MARCHF10: variants seen among roughly 807,000 people sequenced by gnomAD.
The protein encoded by MARCHF10 is membrane associated ring-CH-type finger 10.
A neutral mutation model predicts 76.2 loss-of-function variants in MARCHF10; 64 were observed. The observed-to-expected ratio is 0.84, with a 90% CI of 0.69 to 1.03. The LOEUF (loss-of-function observed/expected upper bound fraction) is 1.03. MARCHF10 is among the 50% of genes least tolerant of loss of function. MARCHF10 has a pLI of 0.00. For missense variants in MARCHF10, 875 were observed against 958.0 expected, an observed-to-expected ratio of 0.91 and a Z score of 1.14; for synonymous variants, 340 against 357.5, an observed-to-expected ratio of 0.95 and a Z score of 0.55.
chr17:62,780,027 G>A (rs1192834297), intron 3 of MARCHF10, among the ~76,000 whole-genome samples: 1 of 152,104 alleles, frequency 6.6e-6, no homozygotes, highest in Non-Finnish European at 1.5e-5. Context: ...AACCTGGGAG[G>A]TGGAGGTGGC....
At chr17:62,713,862 C>A (rs2090056810) in intron 8 of MARCHF10, among the ~76,000 whole-genome samples, 1 of 152,196 alleles carries the variant, frequency 6.6e-6, no homozygotes, top group Non-Finnish European at 1.5e-5. Context: ...AAGGAGAAGG[C>A]ATGTGAAACA....
At chr17:62,740,129 C>T (rs1449883021) in intron 5 of MARCHF10, among the ~76,000 whole-genome samples, 1 of 151,780 alleles carries the variant, frequency 6.6e-6, no homozygotes, top group Non-Finnish European at 1.5e-5. Context: ...GTGCCATTCT[C>T]GATTTATGCT....
chr17:62,766,192 T>C (rs535398900), intron 3 of MARCHF10, among the ~76,000 whole-genome samples: 5 of 151,034 alleles, frequency 3.3e-5, no homozygotes, highest in African/African-American at 1.2e-4. Context: ...CAAGACCCTG[T>C]CTCAAAATAA....
At chr17:62,776,336 T>A (rs192621650) in intron 3 of MARCHF10, among the ~76,000 whole-genome samples, 1 of 152,184 alleles carries the variant, frequency 6.6e-6, no homozygotes, top group South Asian at 2.1e-4. Flanking sequence ...GGGATAACAA[T>A]TGGTGCTTCT....
At chr17:62,770,591 G>C (rs2092425687) in intron 3 of MARCHF10, among the ~76,000 whole-genome samples, 1 of 144,618 alleles carries the variant, frequency 6.9e-6, no homozygotes, top group East Asian at 2.1e-4. Context: ...TCTCAGGCTG[G>C]AGTGCAGTGC....
rs371331213 is a variant in MARCHF10, at chr17:62,736,459, T to C, written c.1409A>G (p.Tyr470Cys). 8 of 1,614,194 alleles carry C rather than the reference T, an allele frequency of 5.0e-6. No homozygotes were observed. The highest frequency in any genetic ancestry group is 6.8e-6 in the Non-Finnish European group (8 of 1,180,020). The change falls in exon 6 of 11, where the codon TAT (tyrosine) becomes TGT (cysteine). Residue 470 changes from tyrosine (Y) to cysteine (C), a missense_variant. Transcript: ENST00000311269. ...ATGCATGAATGATGCAGGAGGGTTA[T>C]AGGATGAATTCACTGATGATCTTGG... Reference protein sequence around the residue: ...ISPRSSVNSSYNPPASFMHSA... With the variant: ...ISPRSSVNSSCNPPASFMHSA...
intron 3 of MARCHF10, among the ~76,000 whole-genome samples, chr17:62,779,026 T>A (rs2092605868): frequency 6.6e-6 from 1 of 152,314 alleles, no homozygotes; most frequent in Non-Finnish European, 1.5e-5. Flanking sequence ...AGATCTGCAC[T>A]TGTCAAACCG....
intron 6 of MARCHF10, among the ~76,000 whole-genome samples, chr17:62,729,770 C>T (rs1205850447): frequency 6.6e-6 from 1 of 151,892 alleles, no homozygotes; most frequent in Non-Finnish European, 1.5e-5. Context: ...GACAGGGTAT[C>T]GCCATGTTGT....
intron 3 of MARCHF10, among the ~76,000 whole-genome samples, chr17:62,765,110 G>A (rs2092297117): frequency 6.6e-6 from 1 of 152,118 alleles, no homozygotes; most frequent in Non-Finnish European, 1.5e-5. Flanking sequence ...ACTTTGGGAG[G>A]CCAAGGCAGG....
At chr17:62,796,576 A>G (rs957967410) in intron 2 of MARCHF10, among the ~76,000 whole-genome samples, 1 of 152,232 alleles carries the variant, frequency 6.6e-6, no homozygotes, top group Non-Finnish European at 1.5e-5. Flanking sequence ...CTTAGTTGAT[A>G]GCCAAGTTAG....
At chr17:62,706,081 A>T (rs900101341) in intron 9 of MARCHF10, 1 of 154,026 alleles carries the variant, frequency 6.5e-6, no homozygotes, top group African/African-American at 2.4e-5. Context: ...ACTCCGTGGG[A>T]GCCCATTGTG....
intron 9 of MARCHF10, chr17:62,707,673 C>G (rs1315471521): frequency 6.6e-6 from 1 of 152,318 alleles, no homozygotes; most frequent in Admixed American, 6.5e-5. Flanking sequence ...TCCGACTGCT[C>G]TGTGTTCCTC....
At chr17:62,705,312 C>G in intron 10 of MARCHF10, 2 of 1,460,264 alleles carry the variant, frequency 1.4e-6, no homozygotes, top group Non-Finnish European at 1.8e-6. Context: ...GGCGCCTTTC[C>G]TTGCGTTCAG....
In MARCHF10 at chr17:62,708,649, G is replaced by C. The variant is rs1599036033; in HGVS notation, c.2328+2582C>G. 3.9e-5 allele frequency among the ~76,000 whole-genome samples: 6 copies of C among 152,314 alleles called. 1 individual carries two copies. The highest frequency in any genetic ancestry group is 3.9e-4 in the Admixed American group (6 of 15,292). The stretch of plus-strand genomic sequence containing the variant: ...CACTGGAGGCCTGTGAGATATAAAA[G>C]AGATAAAGGTTCCCGTGCCCAAGTT... On this transcript the variant is annotated intron_variant, in intron 9 of 10. Transcript: ENST00000311269.
At chr17:62,716,536 C>T (rs2147647640) in intron 8 of MARCHF10, among the ~76,000 whole-genome samples, 1 of 152,136 alleles carries the variant, frequency 6.6e-6, no homozygotes, top group African/African-American at 2.4e-5. Flanking sequence ...AGGAGGGACC[C>T]TGGCCCCATC....
intron 3 of MARCHF10, among the ~76,000 whole-genome samples, chr17:62,779,653 G>T (rs1375748499): frequency 6.6e-6 from 1 of 152,226 alleles, no homozygotes; most frequent in Non-Finnish European, 1.5e-5. Context: ...TTGTGCTATG[G>T]ATTATGCAGG....
intron 1 of MARCHF10, chr17:62,806,692 T>A (rs1216442287): frequency 6.6e-6 from 1 of 152,252 alleles, no homozygotes; most frequent in Non-Finnish European, 1.5e-5. Context: ...TGGGGGAATA[T>A]TCTAAGAACT....
chr17:62,729,141 C>A (rs901303551), intron 6 of MARCHF10, among the ~76,000 whole-genome samples: 1 of 151,788 alleles, frequency 6.6e-6, no homozygotes, highest in Non-Finnish European at 1.5e-5. Context: ...CGGGGTTTTG[C>A]CATGTTGCCC....
At chr17:62,766,502 A>AAAAAG (rs1196520395) in intron 3 of MARCHF10, among the ~76,000 whole-genome samples, 1 of 152,120 alleles carries the variant, frequency 6.6e-6, no homozygotes, top group African/African-American at 2.4e-5. Context: ...CTCCGTCTCA[A>AAAAAG]AAAAGAAAAG....
Sources: allele counts gnomAD v4.1 joint callset (sites outside exome capture counted in the v4.1 genomes callset), GRCh38; gene constraint gnomAD v4.1.1; transcripts MANE v1.5; gene names NCBI Gene and HGNC (gene_info 2026-07-23, HGNC 2026-07-21).